The following RBFOX1 variants were observed in gnomAD, a reference collection of about 807,000 sequenced individuals.
RBFOX1 encodes RNA binding fox-1 homolog 1.
Under a neutral mutation model 57.7 loss-of-function variants are expected in RBFOX1, and 8 were observed. The observed-to-expected ratio is 0.14, with a 90% CI of 0.08 to 0.25. The LOEUF (loss-of-function observed/expected upper bound fraction) is 0.25, where lower values mean the gene tolerates loss of function less well. Among genes scored for constraint, RBFOX1 ranks in the 10% least tolerant of loss-of-function variants. The probability of loss-of-function intolerance (pLI) is 1.00; values close to 1 mark genes in which losing one functional copy is unlikely to be tolerated. For missense variants in RBFOX1, 611 were observed against 548.5 expected, an observed-to-expected ratio of 1.11 and a Z score of -1.14; for synonymous variants, 326 against 222.4, an observed-to-expected ratio of 1.47 and a Z score of -4.15.
chr16:7,025,070 C>T (rs776750850), intron 3 of RBFOX1, among the ~76,000 whole-genome samples: 1 of 152,242 alleles, frequency 6.6e-6, no homozygotes, highest in Non-Finnish European at 1.5e-5. Context: ...GAGGGCGTGT[C>T]TGTAGAGTGA....
At chr16:6,744,996 G>C (rs2073231209) in intron 3 of RBFOX1, among the ~76,000 whole-genome samples, 1 of 151,882 alleles carries the variant, frequency 6.6e-6, no homozygotes, top group Non-Finnish European at 1.5e-5. Flanking sequence ...ATAGAAAGAG[G>C]AGGCATCACT....
intron 4 of RBFOX1, among the ~76,000 whole-genome samples, chr16:7,449,036 T>C (rs1213808135): frequency 6.9e-6 from 1 of 144,788 alleles, no homozygotes; most frequent in Non-Finnish European, 1.5e-5. Context: ...TTCAAACGAT[T>C]TTTCTGCGTC....
intron 1 of RBFOX1, among the ~76,000 whole-genome samples, chr16:6,030,201 G>A (rs2095268742): frequency 1.3e-5 from 2 of 152,334 alleles, no homozygotes; most frequent in South Asian, 2.1e-4. Flanking sequence ...TTACAGGCAT[G>A]AGCCACTATG....
intron 1 of RBFOX1, among the ~76,000 whole-genome samples, chr16:6,023,039 AG>A (rs767440477): frequency 6.6e-6 from 1 of 152,140 alleles, no homozygotes; most frequent in Non-Finnish European, 1.5e-5. Context: ...GGTTGTGGCC[AG>A]GGTCTCAGGG....
intron 3 of RBFOX1, among the ~76,000 whole-genome samples, chr16:7,027,990 G>C (rs1485520654): frequency 6.6e-6 from 1 of 151,940 alleles, no homozygotes; most frequent in African/African-American, 2.4e-5. Context: ...AGGACGAAAG[G>C]CAAGAAGGAA....
intron 4 of RBFOX1, among the ~76,000 whole-genome samples, chr16:7,285,251 A>G (rs1431599342): frequency 1.3e-5 from 2 of 151,422 alleles, no homozygotes; most frequent in Non-Finnish European, 2.9e-5. Flanking sequence ...GTTCCAATGT[A>G]CCCTTTACAC....
chr16:7,334,773 G>A (rs1483678579), intron 4 of RBFOX1, among the ~76,000 whole-genome samples: 1 of 152,166 alleles, frequency 6.6e-6, no homozygotes, highest in African/African-American at 2.4e-5. Flanking sequence ...GAGAAATTGG[G>A]GAGGCCCTAT....
chr16:6,494,374 A>G lies in RBFOX1; in HGVS notation c.-63-160229A>G, dbSNP rs551253902. On this transcript the variant is annotated intron_variant, in intron 2 of 15. Coordinates refer to ENST00000550418, the MANE Select transcript of RBFOX1 (RefSeq NM_018723.4). ...ATAACCACAGCTATCTCTCGCGACCACCTGCCCCTGTTCTTAACCCCTGTC... is the reference window on the plus strand; with the variant it reads ...ATAACCACAGCTATCTCTCGCGACCGCCTGCCCCTGTTCTTAACCCCTGTC... Among the ~76,000 whole-genome samples the G allele has an allele frequency of 2.6e-5, 4 of 152,212 alleles. No individual in the cohort carries two copies. The South Asian group carries it at 8.3e-4, about 32-fold the overall frequency.
chr16:6,628,130 G>A (rs1280882982), intron 2 of RBFOX1, among the ~76,000 whole-genome samples: 1 of 152,182 alleles, frequency 6.6e-6, no homozygotes, highest in Non-Finnish European at 1.5e-5. Flanking sequence ...TCCCCAAGAT[G>A]TCTCTGTGAT....
At chr16:6,195,599 G>C (rs1305388707) in intron 1 of RBFOX1, among the ~76,000 whole-genome samples, 1 of 152,012 alleles carries the variant, frequency 6.6e-6, no homozygotes, top group Non-Finnish European at 1.5e-5. Flanking sequence ...CGTGCCTGTA[G>C]TCCCAGCTAC....
intron 1 of RBFOX1, among the ~76,000 whole-genome samples, chr16:5,352,744 A>C (rs1278925836): frequency 2.0e-5 from 3 of 152,166 alleles, no homozygotes; most frequent in Non-Finnish European, 2.9e-5. Context: ...GGAGTTTAAA[A>C]TCAGCCTGGG....
At chr16:6,531,906 A>C (rs1273961717) in intron 2 of RBFOX1, among the ~76,000 whole-genome samples, 1 of 152,186 alleles carries the variant, frequency 6.6e-6, no homozygotes, top group African/African-American at 2.4e-5. Context: ...TTCCCCTTCT[A>C]CATTAAGCAA....
chr16:7,093,019 G>T (rs1168786464), intron 4 of RBFOX1, among the ~76,000 whole-genome samples: 1 of 152,116 alleles, frequency 6.6e-6, no homozygotes, highest in Non-Finnish European at 1.5e-5. Flanking sequence ...TTTTTGTTTT[G>T]GAGAGAGAAA....
intron 1 of RBFOX1, among the ~76,000 whole-genome samples, chr16:6,286,379 G>C (rs538558679): frequency 1.3e-5 from 2 of 152,166 alleles, no homozygotes; most frequent in Admixed American, 6.5e-5. Context: ...TAAAATCACA[G>C]ATCTTGGCAT....
At chr16:6,656,422 C>T (rs969137664) in intron 3 of RBFOX1, among the ~76,000 whole-genome samples, 3 of 152,096 alleles carry the variant, frequency 2.0e-5, no homozygotes, top group Admixed American at 6.6e-5. Context: ...AAGCTCTGGG[C>T]AAGGAGAGTC....
At chr16:5,850,718 C>G (rs1298567479) in intron 3 of RBFOX1, among the ~76,000 whole-genome samples, 2 of 152,144 alleles carry the variant, frequency 1.3e-5, no homozygotes, top group Non-Finnish European at 2.9e-5. Flanking sequence ...TCGGTTTGCA[C>G]AGAGAGTCAG....
intron 4 of RBFOX1, among the ~76,000 whole-genome samples, chr16:5,901,632 G>A (rs746458865): frequency 6.6e-6 from 1 of 152,144 alleles, no homozygotes; most frequent in African/African-American, 2.4e-5. Context: ...GGAGCTCAAG[G>A]CTGCCATATT....
At chr16:5,971,891 A>G (rs1382930527) in intron 4 of RBFOX1, among the ~76,000 whole-genome samples, 3 of 152,318 alleles carry the variant, frequency 2.0e-5, no homozygotes, top group East Asian at 3.9e-4. Flanking sequence ...AGATGGCTCC[A>G]TGTAATGTGG....
chr16:7,681,456 T>A (rs141944466), intron 14 of RBFOX1, among the ~76,000 whole-genome samples: 1 of 152,294 alleles, frequency 6.6e-6, no homozygotes, highest in African/African-American at 2.4e-5. Context: ...ACTTCCTGTC[T>A]ATTTTAGAAT....
Sources: gnomAD v4.1 joint callset for allele counts (sites outside exome capture counted in the v4.1 genomes callset) on GRCh38, gnomAD v4.1.1 for gene constraint, MANE v1.5 for transcripts, NCBI Gene and HGNC (gene_info 2026-07-23, HGNC 2026-07-21) for gene names.